The following DPY19L2 variants were observed in gnomAD, a reference collection of about 807,000 sequenced individuals.
The protein encoded by DPY19L2 is dpy-19 like 2, also known as probable C-mannosyltransferase DPY19L2.
DPY19L2 carries 34 observed loss-of-function variants against 97.9 expected under a neutral mutation model. The observed-to-expected ratio is 0.35, with a 90% CI of 0.26 to 0.46. The LOEUF (loss-of-function observed/expected upper bound fraction) is 0.46. Ranked by LOEUF, DPY19L2 falls within the 20% of genes least tolerant of loss-of-function variation. The pLI, the probability that DPY19L2 is intolerant of heterozygous loss-of-function variation, is 1.00. For missense variants in DPY19L2, 623 were observed against 911.4 expected (o/e 0.68, Z 4.07); for synonymous variants, 230 against 307.9 (o/e 0.75, Z 2.65).
At chr12:63,610,304 A>C (rs1288225287) in intron 11 of DPY19L2, among the ~76,000 whole-genome samples, 1 of 85,422 alleles carries the variant, frequency 1.2e-5, no homozygotes, top group Non-Finnish European at 2.2e-5. Context: ...GTATTTTCTG[A>C]GTATAATTAT....
At chr12:63,611,152 A>C (rs1236463574) in intron 11 of DPY19L2, among the ~76,000 whole-genome samples, 6 of 152,006 alleles carry the variant, frequency 3.9e-5, no homozygotes, top group Non-Finnish European at 5.9e-5. Flanking sequence ...GGGAATATAA[A>C]ATAGTGCAGC....
intron 12 of DPY19L2, among the ~76,000 whole-genome samples, chr12:63,602,161 T>C (rs562797351): frequency 7.6e-4 from 115 of 151,400 alleles, no homozygotes; most frequent in Middle Eastern, 3.4e-3. Context: ...AAAAAAGCAA[T>C]TTAAACAAGA....
chr12:63,597,136 G>C (rs2137534039), intron 14 of DPY19L2, among the ~76,000 whole-genome samples: 1 of 151,420 alleles, frequency 6.6e-6, no homozygotes, highest in African/African-American at 2.4e-5. Flanking sequence ...AACATGCCTG[G>C]TTAATTTTTG....
In DPY19L2 at chr12:63,560,603, G is replaced by C; in HGVS notation, c.2186C>G (p.Pro729Arg). The change falls in exon 22 of 22, where the codon CCT (proline) becomes CGT (arginine). Residue 729 changes from proline (P) to arginine (R), a missense_variant. Pro to Arg is a moderately radical substitution (Grantham distance 103). Around this residue, in one of 6 missense-constraint regions of DPY19L2, gnomAD observed 294 missense variants for 446.2 expected, o/e 0.66. Transcript: ENST00000324472. The stretch of plus-strand genomic sequence containing the variant: ...TTCGAGCAGGACGCTACATAAGGGA[G>C]GGTTAGCTGCATTGGAAGGGTCTTC... ...DVEDPSNAAN[P>R]PLCSVLLEDA... 1 of 1,614,018 alleles carries C rather than the reference G, an allele frequency of 6.2e-7. No homozygotes were observed. The highest frequency in any genetic ancestry group is 1.3e-5 in the African/African-American group (1 of 75,034).
intron 5 of DPY19L2, among the ~76,000 whole-genome samples, chr12:63,646,180 G>A (rs992344965): frequency 6.6e-6 from 1 of 152,080 alleles, no homozygotes; most frequent in Non-Finnish European, 1.5e-5. Context: ...TAAGCTCTAT[G>A]AGGGTAAGGC....
At chr12:63,614,082 T>C (rs1004939989) in intron 11 of DPY19L2, among the ~76,000 whole-genome samples, 17 of 149,220 alleles carry the variant, frequency 1.1e-4, no homozygotes, top group Non-Finnish European at 1.9e-4. Flanking sequence ...CCCAGCTACA[T>C]GGGAGGCTGA....
intron 16 of DPY19L2, among the ~76,000 whole-genome samples, chr12:63,588,564 TTAA>T (rs1400508607): frequency 9.9e-5 from 15 of 152,086 alleles, no homozygotes; most frequent in Non-Finnish European, 1.6e-4. Flanking sequence ...AGTGTAGTTA[TTAA>T]TAAGGAGAAA....
intron 21 of DPY19L2, among the ~76,000 whole-genome samples, chr12:63,567,333 T>G (rs572770417): frequency 6.6e-6 from 1 of 152,162 alleles, no homozygotes; most frequent in Non-Finnish European, 1.5e-5. Context: ...ATGCTCTTTT[T>G]TTCCCCACTG....
chr12:63,592,496 C>T (rs9738752), intron 16 of DPY19L2, among the ~76,000 whole-genome samples: 55,001 of 144,840 alleles, frequency 0.38, 10,044 homozygotes, highest in East Asian at 0.44. Flanking sequence ...ATATCTACAA[C>T]TATCTGATCT....
At position 63,582,542 on chromosome 12, in the gene DPY19L2, A is replaced by T; in HGVS notation, c.1606-17T>A. ...AAAAGCCAGCTATAAAACACAAATAAGACAAAATCACATTTTTACTTTTCA... is the reference window on the plus strand; with the variant it reads ...AAAAGCCAGCTATAAAACACAAATATGACAAAATCACATTTTTACTTTTCA... On this transcript the variant is annotated splice_polypyrimidine_tract_variant and intron_variant, in intron 17 of 21. Transcript: ENST00000324472. 1 of 1,600,318 alleles carries T rather than the reference A, an allele frequency of 6.2e-7. No homozygotes were observed. Among genetic ancestry groups the T allele is most frequent in the Non-Finnish European group, 8.5e-7 (1 of 1,175,590 alleles).
chr12:63,609,085 A>AT (rs1480708726), intron 11 of DPY19L2, among the ~76,000 whole-genome samples: 1 of 152,160 alleles, frequency 6.6e-6, no homozygotes, highest in African/African-American at 2.4e-5. Flanking sequence ...ATGTTTAAAA[A>AT]ATATATACTT....
intron 19 of DPY19L2, among the ~76,000 whole-genome samples, chr12:63,571,293 A>G (rs1878797349): frequency 6.6e-6 from 1 of 152,094 alleles, no homozygotes; most frequent in African/African-American, 2.4e-5. Flanking sequence ...CCTGGTGCCA[A>G]AAAGGTTGCA....
rs201623035 is a variant in DPY19L2, at chr12:63,597,895, G to C, written c.1375C>G (p.Leu459Val). The C allele has an allele frequency of 1.9e-6, 3 of 1,600,302 alleles. No individual in the cohort carries two copies. The highest frequency in any genetic ancestry group is 4.5e-5 in the East Asian group (2 of 44,562). Residue 459 changes from leucine to valine, a missense_variant, in exon 14 of 22, where the codon CTT (leucine) becomes GTT (valine). Coordinates refer to ENST00000324472, the MANE Select transcript of DPY19L2 (RefSeq NM_173812.5). ...TACCTTAAGATTCTGGCTGCTATAAGATCACTCAGGCGAATCTGGGAGAAA... is the reference window on the plus strand; with the variant it reads ...TACCTTAAGATTCTGGCTGCTATAACATCACTCAGGCGAATCTGGGAGAAA... The part of the protein sequence containing the change: ...GVSDHIRLSD[L>V]IAARILRYTD...
intron 4 of DPY19L2, among the ~76,000 whole-genome samples, chr12:63,655,921 G>C (rs144097739): frequency 6.6e-6 from 1 of 152,176 alleles, no homozygotes; most frequent in Admixed American, 6.5e-5. Flanking sequence ...TTTACCGACT[G>C]ACTGGTGAAC....
chr12:63,595,734 G>A (rs1311695479), intron 15 of DPY19L2, among the ~76,000 whole-genome samples: 1 of 152,248 alleles, frequency 6.6e-6, no homozygotes, highest in African/African-American at 2.4e-5. Flanking sequence ...CAATGTTAAT[G>A]TAGTCCTTGA....
At chr12:63,587,762 A>G (rs989443974) in intron 16 of DPY19L2, among the ~76,000 whole-genome samples, 10 of 151,844 alleles carry the variant, frequency 6.6e-5, no homozygotes, top group East Asian at 3.9e-4. Flanking sequence ...TAGTGGAGAC[A>G]GGGTTTCACC....
At chr12:63,638,739 G>C (rs1423334084) in intron 6 of DPY19L2, among the ~76,000 whole-genome samples, 1 of 152,122 alleles carries the variant, frequency 6.6e-6, no homozygotes, top group Non-Finnish European at 1.5e-5. Flanking sequence ...CCATGCTCCT[G>C]GATAGGAAGG....
chr12:63,638,945 T>C (rs1892223075), intron 6 of DPY19L2, among the ~76,000 whole-genome samples: 1 of 152,110 alleles, frequency 6.6e-6, no homozygotes, highest in Non-Finnish European at 1.5e-5. Flanking sequence ...GCTACCTGAC[T>C]TCAAACTATA....
At chr12:63,619,643 C>T (rs1478447174) in intron 9 of DPY19L2, among the ~76,000 whole-genome samples, 1 of 151,916 alleles carries the variant, frequency 6.6e-6, no homozygotes, top group Non-Finnish European at 1.5e-5. Context: ...CCCAAGATTA[C>T]AGGAGCCCAC....
Sources: allele counts gnomAD v4.1 joint callset (sites outside exome capture counted in the v4.1 genomes callset), GRCh38; gene constraint gnomAD v4.1.1; regional missense constraint gnomAD v4.1.1; transcripts MANE v1.5; gene names NCBI Gene and HGNC (gene_info 2026-07-23, HGNC 2026-07-21).